The following PDZD2 variants were observed in gnomAD, a reference collection of about 807,000 sequenced individuals.
PDZD2 encodes the protein PDZ domain containing 2.
Under a neutral mutation model 220.7 loss-of-function variants are expected in PDZD2, and 90 were observed. That is an observed-to-expected ratio of 0.41 (90% confidence interval 0.34 to 0.49). PDZD2 has a LOEUF of 0.49. Ranked by LOEUF, PDZD2 falls within the 20% of genes least tolerant of loss-of-function variation. The probability of loss-of-function intolerance (pLI) is 0.28; values close to 1 mark genes in which losing one functional copy is unlikely to be tolerated. For missense variants in PDZD2, 3,174 were observed against 3,608.5 expected, an observed-to-expected ratio of 0.88 and a Z score of 3.08; for synonymous variants, 1,375 against 1,450.5, an observed-to-expected ratio of 0.95 and a Z score of 1.18.
At chr5:31,790,953 C>T (rs6877600) in intron 1 of PDZD2, among the ~76,000 whole-genome samples, 15,257 of 151,888 alleles carry the variant, frequency 0.1, 819 homozygotes, top group South Asian at 0.18. Flanking sequence ...CCGCGTCGGC[C>T]TCCCAAAGTG....
At chr5:32,024,476 A>C (rs1346783518) in intron 6 of PDZD2, among the ~76,000 whole-genome samples, 1 of 152,150 alleles carries the variant, frequency 6.6e-6, no homozygotes, top group East Asian at 1.9e-4. Context: ...TGAGGTCAGG[A>C]GTTTGAGACC....
intron 14 of PDZD2, among the ~76,000 whole-genome samples, chr5:32,065,081 C>T (rs1198485783): frequency 6.6e-6 from 1 of 152,162 alleles, no homozygotes; most frequent in Admixed American, 6.5e-5. Flanking sequence ...GGGCAGATCA[C>T]TTGAGGTCAG....
intron 24 of PDZD2, 51 bp downstream of exon 24, chr5:32,101,290 T>C: frequency 6.7e-7 from 1 of 1,501,944 alleles, no homozygotes; most frequent in Non-Finnish European, 9.0e-7. Flanking sequence ...CATTTTTCCA[T>C]GGATGTCTCA....
At chr5:31,922,171 A>G (rs1209040321) in intron 2 of PDZD2, among the ~76,000 whole-genome samples, 1 of 152,208 alleles carries the variant, frequency 6.6e-6, no homozygotes, top group Non-Finnish European at 1.5e-5. Context: ...ATATGACCCA[A>G]CTTCCTTGCC....
At chr5:31,734,461 G>A (rs1311147352) in intron 1 of PDZD2, among the ~76,000 whole-genome samples, 1 of 151,970 alleles carries the variant, frequency 6.6e-6, no homozygotes, top group African/African-American at 2.4e-5. Flanking sequence ...CTGGGATTAC[G>A]GGCACCCGCC....
intron 2 of PDZD2, among the ~76,000 whole-genome samples, chr5:31,904,603 C>T (rs376151582): frequency 1.1e-4 from 17 of 152,282 alleles, no homozygotes; most frequent in African/African-American, 4.1e-4. Context: ...TCTCGGCTCA[C>T]TGCAAGCTCC....
intron 21 of PDZD2, among the ~76,000 whole-genome samples, chr5:32,094,646 G>A (rs1743468239): frequency 6.6e-6 from 1 of 151,560 alleles, no homozygotes; most frequent in South Asian, 2.1e-4. Flanking sequence ...GATCATCTGA[G>A]GCCAGGAGTT....
intron 4 of PDZD2, among the ~76,000 whole-genome samples, 194 bp downstream of exon 4, chr5:31,995,912 T>C (rs1260666462): frequency 1.3e-5 from 2 of 152,202 alleles, no homozygotes; most frequent in Admixed American, 6.5e-5. Context: ...AGGAAGTGGC[T>C]AACTGCAGAA....
intron 2 of PDZD2, among the ~76,000 whole-genome samples, chr5:31,838,010 C>T (rs1757051460): frequency 6.6e-6 from 1 of 152,124 alleles, no homozygotes; most frequent in Non-Finnish European, 1.5e-5. Flanking sequence ...AGGTAAAATA[C>T]ACAAAATTCT....
At chr5:31,849,377 C>A (rs957613288) in intron 2 of PDZD2, among the ~76,000 whole-genome samples, 1 of 150,526 alleles carries the variant, frequency 6.6e-6, no homozygotes, top group Non-Finnish European at 1.5e-5. Context: ...CTTCACAGGG[C>A]TACTGCAAAA....
intron 2 of PDZD2, among the ~76,000 whole-genome samples, chr5:31,880,083 C>T (rs1319763195): frequency 6.6e-6 from 1 of 151,706 alleles, no homozygotes; most frequent in Non-Finnish European, 1.5e-5. Context: ...CCACGCCTGG[C>T]TACTTTTTGT....
At chr5:31,647,276 C>G (rs1745170513) in intron 1 of PDZD2, among the ~76,000 whole-genome samples, 1 of 152,182 alleles carries the variant, frequency 6.6e-6, no homozygotes, top group African/African-American at 2.4e-5. Flanking sequence ...CTGTTCTAGA[C>G]ACTTGCCACA....
intron 6 of PDZD2, among the ~76,000 whole-genome samples, chr5:32,033,869 TC>T (rs1755319256): frequency 2.0e-5 from 3 of 152,120 alleles, no homozygotes; most frequent in African/African-American, 7.2e-5. Flanking sequence ...TCTGCCCACC[TC>T]GGCCTTCCAG....
intron 1 of PDZD2, among the ~76,000 whole-genome samples, chr5:31,737,697 C>T (rs1432265763): frequency 3.3e-5 from 5 of 152,164 alleles, no homozygotes. Context: ...CATCTCCTTT[C>T]TTCTCCTTCC....
At chr5:31,723,903 C>G (rs112628197) in intron 1 of PDZD2, among the ~76,000 whole-genome samples, 20,963 of 152,090 alleles carry the variant, frequency 0.14, 1,504 homozygotes, top group East Asian at 0.22. Context: ...CAGGTGTTAG[C>G]CACCGTGCCC....
chr5:31,686,337 T>C (rs1226888647), intron 1 of PDZD2, among the ~76,000 whole-genome samples: 1 of 151,980 alleles, frequency 6.6e-6, no homozygotes, highest in Non-Finnish European at 1.5e-5. Flanking sequence ...AATATCTATA[T>C]ACATATTTTA....
chr5:31,947,317 G>A (rs145593056), intron 2 of PDZD2, among the ~76,000 whole-genome samples: 119 of 152,196 alleles, frequency 7.8e-4, no homozygotes, highest in African/African-American at 2.8e-3. Flanking sequence ...ATGTATGCAG[G>A]GTACAGAAAC....
intron 1 of PDZD2, among the ~76,000 whole-genome samples, chr5:31,767,301 G>A (rs1752085615): frequency 6.6e-6 from 1 of 152,146 alleles, no homozygotes; most frequent in Non-Finnish European, 1.5e-5. Context: ...CAAAGTGCTG[G>A]GATTACAGGC....
chr5:31,842,549 T>C (rs1369490377), intron 2 of PDZD2, among the ~76,000 whole-genome samples: 1 of 152,236 alleles, frequency 6.6e-6, no homozygotes, highest in African/African-American at 2.4e-5. Context: ...GAGCAACTGC[T>C]ATCTGCTAGG....
Sources: gnomAD v4.1 joint callset for allele counts (sites outside exome capture counted in the v4.1 genomes callset) on GRCh38, gnomAD v4.1.1 for gene constraint, MANE v1.5 for transcripts, NCBI Gene and HGNC (gene_info 2026-07-23, HGNC 2026-07-21) for gene names.